The following NEBL variants were observed in gnomAD, a reference collection of about 807,000 sequenced individuals.
The protein encoded by NEBL is nebulette, also known as LIM and SH3 protein 2.
Under a neutral mutation model 140.2 loss-of-function variants are expected in NEBL, and 122 were observed. That is an observed-to-expected ratio of 0.87 (90% CI 0.75 to 1.01). The LOEUF is 1.01. NEBL is among the 50% of genes least tolerant of loss of function. NEBL has a pLI of 0.00. For synonymous variants in NEBL, 436 were observed against 398.9 expected, an observed-to-expected ratio of 1.09 and a Z score of -1.11; for missense variants, 1,365 against 1,231.3, an observed-to-expected ratio of 1.11 and a Z score of -1.62.
chr10:21,195,258 C>T (rs1841630356), intron 3 of NEBL, among the ~76,000 whole-genome samples: 1 of 152,114 alleles, frequency 6.6e-6, no homozygotes, highest in African/African-American at 2.4e-5. Context: ...AGACATCACT[C>T]AACAAGACTA....
At chr10:20,845,512 A>T in intron 11 of NEBL, 144 bp from the exon 12 acceptor site, 3 of 598,424 alleles carry the variant, frequency 5.0e-6, no homozygotes. Context: ...CAGGGAAATA[A>T]GTTCAACTTT....
In NEBL at chr10:20,781,641, G is replaced by GA. The variant is rs1835043890; in HGVS notation, c.*4105dup. ...ATACTGAAGTCATACAGACAACTGA[G>GA]AAAATTTGCTCAAAGATTCTTCCAA... On this transcript the variant is annotated 3_prime_UTR_variant, in exon 28 of 28. Coordinates refer to ENST00000377122, the MANE Select transcript of NEBL (RefSeq NM_006393.3). The GA allele has an allele frequency of 6.6e-6, 1 of 152,426 alleles. No individual in the cohort carries two copies. The highest frequency in any genetic ancestry group is 1.5e-5 in the Non-Finnish European group (1 of 68,034). 9.4% of individuals were successfully genotyped at this position (152,426 alleles called of 1,614,324 possible). A position where few individuals can be genotyped will look rare whatever the true frequency, so the allele number is the denominator to read the frequency against.
chr10:21,069,690 C>CA (rs1384014636), intron 2 of NEBL, among the ~76,000 whole-genome samples: 2 of 152,184 alleles, frequency 1.3e-5, no homozygotes, highest in East Asian at 3.9e-4. Context: ...CATTTTCATA[C>CA]AACCTGGTAT....
chr10:21,194,429 A>G (rs1014858019), intron 3 of NEBL, among the ~76,000 whole-genome samples: 5 of 152,110 alleles, frequency 3.3e-5, no homozygotes, highest in African/African-American at 1.2e-4. Flanking sequence ...AATCATAGAG[A>G]CTTTGACTAT....
At chr10:21,087,369 T>C (rs903014105) in intron 2 of NEBL, among the ~76,000 whole-genome samples, 2 of 152,196 alleles carry the variant, frequency 1.3e-5, no homozygotes, top group African/African-American at 4.8e-5. Flanking sequence ...CTTTTTTTTA[T>C]TGATGACCCA....
chr10:20,970,528 C>A (rs1265949691), intron 3 of NEBL, among the ~76,000 whole-genome samples: 1 of 151,990 alleles, frequency 6.6e-6, no homozygotes, highest in Non-Finnish European at 1.5e-5. Context: ...TGCCTGTGGT[C>A]CCAGCTACTC....
At chr10:20,920,308 G>A (rs566457018) in intron 4 of NEBL, among the ~76,000 whole-genome samples, 1 of 152,206 alleles carries the variant, frequency 6.6e-6, no homozygotes, top group African/African-American at 2.4e-5. Flanking sequence ...CCAACCCTCA[G>A]GGGTACTGGT....
chr10:21,248,210 A>G (rs1315217639), intron 2 of NEBL: 1 of 157,634 alleles, frequency 6.3e-6, no homozygotes, highest in Non-Finnish European at 1.4e-5. Flanking sequence ...AGCTGGGACT[A>G]CAGGCATATG....
Position 20,784,877 on chromosome 10 carries a change from G to C in NEBL, c.*870C>G, listed in dbSNP as rs868415383. 8 of 152,482 alleles carry C rather than the reference G, an allele frequency of 5.2e-5. No individual in the cohort carries two copies. The allele number at this position is 152,482 out of a possible 1,614,324, so 9.4% of individuals were successfully genotyped here. Reference sequence around the variant, plus strand: ...TGTTTTTCTGATGAGCTGGCGACTAGAGGAAGAAAGGGCTTTTAGGTATCA... The same window carrying C: ...TGTTTTTCTGATGAGCTGGCGACTACAGGAAGAAAGGGCTTTTAGGTATCA... On this transcript the variant is annotated 3_prime_UTR_variant, in exon 28 of 28. Coordinates refer to ENST00000377122, the MANE Select transcript of NEBL (RefSeq NM_006393.3).
intron 2 of NEBL, among the ~76,000 whole-genome samples, chr10:21,135,634 C>G (rs1184672579): frequency 6.6e-6 from 1 of 152,190 alleles, no homozygotes; most frequent in South Asian, 2.1e-4. Flanking sequence ...TGCACCAAAT[C>G]TACTCAGTGA....
chr10:20,796,367 G>GAAAAAAAAAAAAAAAAAAAAAA lies in NEBL; in HGVS notation c.2762-9081_2762-9060dup, dbSNP rs57844177. 5.8e-5 allele frequency among the ~76,000 whole-genome samples: 3 copies of GAAAAAAAAAAAAAAAAAAAAAA among 51,498 alleles called. 1 individual carries two copies. The highest frequency in any genetic ancestry group is 7.4e-5 in the Non-Finnish European group (2 of 26,902). The allele number at this position is 51,498 out of a possible 152,430, so 33.8% of individuals were successfully genotyped here. A position where few individuals can be genotyped will look rare whatever the true frequency, so the allele number is the denominator to read the frequency against. ...AAGAGTGAAACTCAGTCTAAAACAA[G>GAAAAAAAAAAAAAAAAAAAAAA]AAAAAAAAAAAAAAAAAAAAAAAAA... On this transcript the variant is annotated intron_variant, in intron 26 of 27. Transcript: ENST00000377122.
intron 3 of NEBL, among the ~76,000 whole-genome samples, chr10:21,237,842 G>A (rs1477687314): frequency 6.6e-6 from 1 of 152,162 alleles, no homozygotes; most frequent in East Asian, 1.9e-4. Flanking sequence ...CCTGACCTCA[G>A]GTGATCCACC....
chr10:21,040,897 A>T (rs543151523), intron 2 of NEBL, among the ~76,000 whole-genome samples: 2 of 151,964 alleles, frequency 1.3e-5, no homozygotes, highest in African/African-American at 4.8e-5. Context: ...GCTATGTAAC[A>T]TGTCCCTGCC....
chr10:21,012,319 G>C (rs149572307), intron 3 of NEBL, among the ~76,000 whole-genome samples: 1 of 152,122 alleles, frequency 6.6e-6, no homozygotes, highest in African/African-American at 2.4e-5. Context: ...TTATGTGAGA[G>C]AAAGATGAAA....
chr10:20,912,788 T>C (rs1331596589), intron 4 of NEBL, among the ~76,000 whole-genome samples: 2 of 152,130 alleles, frequency 1.3e-5, no homozygotes, highest in African/African-American at 4.8e-5. Flanking sequence ...CATTTGAAGC[T>C]GTCTGCATTC....
chr10:21,102,845 G>C (rs967390613), intron 2 of NEBL, among the ~76,000 whole-genome samples: 2 of 152,186 alleles, frequency 1.3e-5, no homozygotes, highest in African/African-American at 4.8e-5. Flanking sequence ...TATTTTTATA[G>C]TTCCAGGGTA....
intron 2 of NEBL, among the ~76,000 whole-genome samples, chr10:21,096,298 C>T (rs940581413): frequency 3.3e-5 from 5 of 152,112 alleles, no homozygotes; most frequent in Non-Finnish European, 7.3e-5. Flanking sequence ...TCAGCTAATT[C>T]CCCTTGTTGG....
chr10:21,030,963 T>C (rs1833754123), intron 2 of NEBL, among the ~76,000 whole-genome samples: 1 of 152,202 alleles, frequency 6.6e-6, no homozygotes, highest in Non-Finnish European at 1.5e-5. Context: ...CGGTGTGCAC[T>C]GATGACCATC....
intron 2 of NEBL, among the ~76,000 whole-genome samples, chr10:21,039,681 C>A (rs913070567): frequency 3.3e-5 from 5 of 152,200 alleles, no homozygotes; most frequent in Non-Finnish European, 5.9e-5. Flanking sequence ...ATGCATCTCA[C>A]CTCACAGCTC....
Sources: allele counts gnomAD v4.1 joint callset (sites outside exome capture counted in the v4.1 genomes callset), GRCh38; gene constraint gnomAD v4.1.1; transcripts MANE v1.5; gene names NCBI Gene and HGNC (gene_info 2026-07-23, HGNC 2026-07-21).